The following RADIL variants were observed in gnomAD, a reference collection of about 807,000 sequenced individuals.
The protein encoded by RADIL is Rap associating with DIL domain.
A neutral mutation model predicts 97.6 loss-of-function variants in RADIL; 99 were observed. That is an observed-to-expected ratio of 1.01 (90% confidence interval 0.86 to 1.20). RADIL has a LOEUF of 1.20. Among genes scored for constraint, RADIL ranks in the 50% most tolerant of loss-of-function variants. The pLI, the probability that RADIL is intolerant of heterozygous loss-of-function variation, is 0.00. For missense variants in RADIL, 1,765 were observed against 1,498.9 expected (o/e 1.18, Z -2.93); for synonymous variants, 803 against 691.8 (o/e 1.16, Z -2.52).
In RADIL at chr7:4,835,228, C is replaced by G; in HGVS notation, c.795G>C (p.Val265=). 1 of 1,610,058 alleles carries G rather than the reference C, an allele frequency of 6.2e-7. No individual in the cohort carries two copies. Among genetic ancestry groups the G allele is most frequent in the Admixed American group, 1.7e-5 (1 of 59,984 alleles). The change falls in exon 4 of 15, where the codon GTG becomes GTC. Residue 265 remains valine (V), a synonymous_variant. Transcript: ENST00000399583. The surrounding 1 kb of genome is among the most constrained non-coding windows in gnomAD (Gnocchi z 5.8). ...QGYSQQHDSL[V]YVLNRDRHTV... ...TGTGCCGGTCCCGGTTGAGCACATA[C>G]ACCAGGCTGTCCTGAAACAGAGACT...
At chr7:4,876,772 G>C (rs527828050) in intron 2 of RADIL, among the ~76,000 whole-genome samples, 6 of 152,166 alleles carry the variant, frequency 3.9e-5, no homozygotes, top group Non-Finnish European at 7.3e-5. Flanking sequence ...TCGGCTGCCC[G>C]TGGCCAGGCC....
chr7:4,807,582 CCT>C (rs375831425), intron 9 of RADIL, among the ~76,000 whole-genome samples: 2,691 of 94,178 alleles, frequency 0.029, 77 homozygotes, highest in African/African-American at 0.04. Context: ...TCTCTCTCTC[CCT>C]GTCTCCCCTC....
chr7:4,859,311 A>C (rs1225483961), intron 2 of RADIL: 1 of 152,942 alleles, frequency 6.5e-6, no homozygotes. Flanking sequence ...CATCAGTATA[A>C]GGAATTCTGA....
rs998326720 is a variant in RADIL at position 4,854,405 on chromosome 7, C to A, written c.536-17800G>T. On this transcript the variant is annotated intron_variant, in intron 2 of 14. Transcript: ENST00000399583. This position sits in a 1 kb window ranked among gnomAD's most constrained non-coding sequence, Gnocchi z 5.1. Reference sequence around the variant, plus strand: ...TTGTCATTGTTGATAAAGAGGTTACCACTTTGGGCCGGGCGCGGTGGCTCA... The same window carrying A: ...TTGTCATTGTTGATAAAGAGGTTACAACTTTGGGCCGGGCGCGGTGGCTCA... Among the ~76,000 whole-genome samples, 9 of 152,012 alleles carry A rather than the reference C, an allele frequency of 5.9e-5. No homozygotes were observed. The highest frequency in any genetic ancestry group is 2.2e-4 in the African/African-American group (9 of 41,398).
rs539228530 is a variant in RADIL, at chr7:4,878,879, A to T, written c.-64-676T>A. The stretch of plus-strand genomic sequence containing the variant: ...AAGGGCAAAGCTTCGCCTCTCCGTA[A>T]ACCTCGTGTCTCCTACCCCACAGGC... On this transcript the variant is annotated intron_variant, in intron 1 of 14. Transcript: ENST00000399583. The surrounding 1 kb of genome is among the most constrained non-coding windows in gnomAD (Gnocchi z 4.1). Among the ~76,000 whole-genome samples the T allele has an allele frequency of 6.6e-6, 1 of 152,346 alleles. No individual in the cohort carries two copies. The highest frequency in any genetic ancestry group is 2.1e-4 in the South Asian group (1 of 4,826).
At chr7:4,801,616 G>C (rs1355328230) in intron 12 of RADIL, 37 bp downstream of exon 12, 1 of 1,552,028 alleles carries the variant, frequency 6.4e-7, no homozygotes, top group East Asian at 2.4e-5. Flanking sequence ...TGCGGGGTCT[G>C]GGGTGGGTTC....
chr7:4,861,864 C>T (rs1583317345), intron 2 of RADIL: 8 of 1,259,126 alleles, frequency 6.4e-6, no homozygotes, highest in East Asian at 5.4e-5. Flanking sequence ...ACCTTCGCGG[C>T]CGCCGCCCGG....
chr7:4,825,599 G>A (rs755068994), intron 5 of RADIL, among the ~76,000 whole-genome samples: 20 of 152,214 alleles, frequency 1.3e-4, no homozygotes, highest in African/African-American at 2.6e-4. Flanking sequence ...GAAAAAAGCC[G>A]GGTGCGGTGG....
At chr7:4,845,020 T>G (rs1783534147) in intron 2 of RADIL, among the ~76,000 whole-genome samples, 1 of 145,414 alleles carries the variant, frequency 6.9e-6, no homozygotes. Flanking sequence ...AAACGAGGGG[T>G]GTTAGAATTT....
rs767435307 is a variant in RADIL at position 4,800,212 on chromosome 7, G to A, written c.2941C>T (p.Arg981Ter). 29 of 1,607,956 alleles carry A rather than the reference G, an allele frequency of 1.8e-5. 1 individual carries two copies. Among genetic ancestry groups the A allele is most frequent in the South Asian group, 5.5e-5 (5 of 90,310 alleles). The change falls in exon 13 of 15, where the codon CGA becomes TGA. Residue 981 changes from arginine to a stop codon, truncating the protein, a stop_gained. Transcript: ENST00000399583. LOFTEE classifies it high-confidence loss of function. Reference protein sequence around the residue: ...FCYVFTVELERGPSGLGMGLI... With the variant: ...FCYVFTVELE ...CCCATCCCCAGCCCGGAGGGGCCTCGTTCCAGCTCCACCGTGAAGACGTAG... is the reference window on the plus strand; with the variant it reads ...CCCATCCCCAGCCCGGAGGGGCCTCATTCCAGCTCCACCGTGAAGACGTAG...
rs961121617 is a variant in RADIL, at chr7:4,863,497, G to C, written c.535+14108C>G. 2.6e-5 allele frequency among the ~76,000 whole-genome samples: 4 copies of C among 152,100 alleles called. No homozygotes were observed. In the South Asian group the frequency reaches 8.3e-4, roughly 32 times the overall value. ...TGTAGACGCTGTGTCCTTCCAAAGA[G>C]GATTTGCTTTGTTTCCAGTAGATGT... is the stretch of plus-strand genomic sequence containing the variant. On this transcript the variant is annotated intron_variant, in intron 2 of 14. Transcript: ENST00000399583.
rs1444948127 is a variant in RADIL at position 4,854,046 on chromosome 7, T to C, written c.536-17441A>G. Among the ~76,000 whole-genome samples, 1 of 152,186 alleles carries C rather than the reference T, an allele frequency of 6.6e-6. No homozygotes were observed. Among genetic ancestry groups the C allele is most frequent in the Non-Finnish European group, 1.5e-5 (1 of 68,020 alleles). ...CCGAAAGCTCCATAGGTGGGCAGTT[T>C]GCAGGTACACCTTTGCCATTCCCCG... is the stretch of plus-strand genomic sequence containing the variant. On this transcript the variant is annotated intron_variant, in intron 2 of 14. Coordinates refer to ENST00000399583, the MANE Select transcript of RADIL (RefSeq NM_018059.5). The surrounding 1 kb of genome is among the most constrained non-coding windows in gnomAD (Gnocchi z 5.1).
At chr7:4,827,624 G>T (rs905022246) in intron 5 of RADIL, among the ~76,000 whole-genome samples, 1 of 152,186 alleles carries the variant, frequency 6.6e-6, no homozygotes, top group Non-Finnish European at 1.5e-5. Context: ...TCGTGCCACT[G>T]TACTCCAGCC....
At chr7:4,870,631 A>T (rs1279619828) in intron 2 of RADIL, among the ~76,000 whole-genome samples, 1 of 152,054 alleles carries the variant, frequency 6.6e-6, no homozygotes, top group Non-Finnish European at 1.5e-5. Flanking sequence ...TTTAGTAGAG[A>T]CGGGATTTCA....
chr7:4,883,135 G>A lies in RADIL; in HGVS notation c.-65+461C>T, dbSNP rs1410645559. On this transcript the variant is annotated intron_variant, in intron 1 of 14. Coordinates refer to ENST00000399583, the MANE Select transcript of RADIL (RefSeq NM_018059.5). The surrounding 1 kb of genome is among the most constrained non-coding windows in gnomAD (Gnocchi z 7.1). ...GGGTATGTGCAGGGGACGTCTCGCC[G>A]GCCCAGGTGGGAGAGCGCGCGGAAC... is the stretch of plus-strand genomic sequence containing the variant. 2.0e-5 allele frequency among the ~76,000 whole-genome samples: 3 copies of A among 151,698 alleles called. No individual in the cohort carries two copies. Among genetic ancestry groups the A allele is most frequent in the South Asian group, 2.1e-4 (1 of 4,834 alleles).
At chr7:4,805,898 A>G in intron 9 of RADIL, 182 bp from the exon 10 acceptor site, 1 of 985,352 alleles carries the variant, frequency 1.0e-6, no homozygotes, top group Non-Finnish European at 1.2e-6. Flanking sequence ...TGGCACTTCC[A>G]AGGGCAGCTG....
At chr7:4,838,178 G>T (rs765367767) in intron 2 of RADIL, 13 of 469,502 alleles carry the variant, frequency 2.8e-5, no homozygotes, top group Non-Finnish European at 3.1e-5. Context: ...CCTGGCAGGC[G>T]GCAGGTGCCC....
Position 4,802,074 on chromosome 7 carries a change from G to A in RADIL, c.2500-79C>T, listed in dbSNP as rs537518069. 746 of 1,251,782 alleles carry A rather than the reference G, an allele frequency of 6.0e-4. 1 individual carries two copies. Among genetic ancestry groups the A allele is most frequent in the African/African-American group, 3.0e-3 (197 of 65,880 alleles). The allele number at this position is 1,251,782 out of a possible 1,614,324, so 77.5% of individuals were successfully genotyped here. ...CACTCGGGCAACTGGGCAGCCTGCA[G>A]CAGAAGGGCCGCCAGGCCGCGGGGC... On this transcript the variant is annotated intron_variant, in intron 11 of 14. Transcript: ENST00000399583.
chr7:4,801,841 G>C lies in RADIL; in HGVS notation c.2654C>G (p.Pro885Arg), dbSNP rs778892687. 4 of 1,600,360 alleles carry C rather than the reference G, an allele frequency of 2.5e-6. No homozygotes were observed. Among genetic ancestry groups the C allele is most frequent in the Non-Finnish European group, 3.4e-6 (4 of 1,174,230 alleles). ...PWAQAPPGRQ[P>R]SRGGSQAGPP... Reference sequence around the variant, plus strand: ...GCCAGCCTGGGAGCCCCCACGGCTGGGTTGCCTTCCAGGGGGGGCCTGTGC... The same window carrying C: ...GCCAGCCTGGGAGCCCCCACGGCTGCGTTGCCTTCCAGGGGGGGCCTGTGC... The change falls in exon 12 of 15, where the codon CCC (proline) becomes CGC (arginine). Residue 885 changes from proline to arginine, a missense_variant. Pro to Arg is a moderately radical substitution (Grantham distance 103). Coordinates refer to ENST00000399583, the MANE Select transcript of RADIL (RefSeq NM_018059.5).
Sources: gnomAD v4.1 joint callset for allele counts (sites outside exome capture counted in the v4.1 genomes callset) on GRCh38, gnomAD v4.1.1 for gene constraint, Gnocchi (gnomAD v3.1) non-coding constraint, MANE v1.5 for transcripts, NCBI Gene and HGNC (gene_info 2026-07-23, HGNC 2026-07-21) for gene names.